TACC2: variants seen among roughly 807,000 people sequenced by gnomAD.
TACC2 encodes transforming acidic coiled-coil-containing protein 2.
Under a neutral mutation model 227.3 loss-of-function variants are expected in TACC2, and 137 were observed. The ratio of observed to expected loss-of-function variants is 0.60; its 90% CI spans 0.52 to 0.69. The LOEUF (loss-of-function observed/expected upper bound fraction) is 0.69, where lower values mean the gene tolerates loss of function less well. TACC2 is among the 30% of genes least tolerant of loss of function. The probability of loss-of-function intolerance (pLI) is 0.00; values close to 1 mark genes in which losing one functional copy is unlikely to be tolerated. For missense variants in TACC2, 3,470 were observed against 3,694.4 expected (o/e 0.94, Z 1.57); for synonymous variants, 1,523 against 1,487.5 (o/e 1.02, Z -0.55).
chr10:122,075,144 T>C (rs2078625626), intron 3 of TACC2, among the ~76,000 whole-genome samples: 2 of 150,670 alleles, frequency 1.3e-5, no homozygotes, highest in Non-Finnish European at 2.9e-5. Flanking sequence ...CTTTCCACGC[T>C]GTGGAAGCTT....
At chr10:122,122,614 G>A (rs1429438263) in intron 5 of TACC2, among the ~76,000 whole-genome samples, 1 of 151,692 alleles carries the variant, frequency 6.6e-6, no homozygotes, top group Non-Finnish European at 1.5e-5. Flanking sequence ...TGCTTTCCCC[G>A]GGGTCCTGTG....
At position 122,210,943 on chromosome 10, in the gene TACC2, C is replaced by T. The variant is rs773378377; in HGVS notation, c.6518C>T (p.Thr2173Met). The change falls in exon 9 of 23, where the codon ACG becomes ATG. Residue 2173 changes from threonine (T) to methionine (M), a missense_variant. Transcript: ENST00000369005. The surrounding 1 kb of genome is among the most constrained non-coding windows in gnomAD (Gnocchi z 4.6). Reference protein sequence around the residue: ...VPSGENLASETKTESAKTEGP... With the variant: ...VPSGENLASEMKTESAKTEGP... The stretch of plus-strand genomic sequence containing the variant: ...AGTGGGGAGAATCTAGCATCTGAGA[C>T]GAAAACGGAATCTGCCAAGACGGAA... 33 of 1,613,804 alleles carry T rather than the reference C, an allele frequency of 2.0e-5. No individual in the cohort carries two copies. The highest frequency in any genetic ancestry group is 2.0e-4 in the East Asian group (9 of 44,868).
chr10:122,105,716 G>A (rs1435508828), intron 5 of TACC2, among the ~76,000 whole-genome samples: 1 of 151,304 alleles, frequency 6.6e-6, no homozygotes, highest in Non-Finnish European at 1.5e-5. Context: ...TGCTTCCCGG[G>A]TTCGAGCGAT....
chr10:122,034,842 C>T (rs928877217), intron 2 of TACC2, among the ~76,000 whole-genome samples: 3 of 150,904 alleles, frequency 2.0e-5, no homozygotes, highest in African/African-American at 4.9e-5. Context: ...GCAGGAGAAT[C>T]GCTTGAACCT....
chr10:122,168,719 A>G (rs1174956915), intron 7 of TACC2, among the ~76,000 whole-genome samples: 2 of 152,164 alleles, frequency 1.3e-5, no homozygotes, highest in African/African-American at 4.8e-5. Context: ...CATCAGATCA[A>G]GGTCAGTGGA....
At chr10:122,133,949 G>C (rs79505870) in intron 6 of TACC2, among the ~76,000 whole-genome samples, 1 of 152,180 alleles carries the variant, frequency 6.6e-6, no homozygotes, top group South Asian at 2.1e-4. Flanking sequence ...ACAGGGACCT[G>C]GGGGCTGGCC....
rs138785067 is a variant in TACC2, at chr10:122,132,082, G to GAAAGAAAGAAAGAA, written c.5574-526_5574-525insAAGAAAGAAAGAAA. On this transcript the variant is annotated intron_variant, in intron 5 of 22. Transcript: ENST00000369005. The stretch of plus-strand genomic sequence containing the variant: ...AAAGAAAGAAAAAGAAAGAAAGAAA[G>GAAAGAAAGAAAGAA]AGAAAGATCTACAAAGGTTTCTAAA... Among the ~76,000 whole-genome samples, 430 of 136,062 alleles carry GAAAGAAAGAAAGAA rather than the reference G, an allele frequency of 3.2e-3. 9 individuals are homozygous for GAAAGAAAGAAAGAA. Among genetic ancestry groups the GAAAGAAAGAAAGAA allele is most frequent in the African/African-American group, 0.012 (392 of 33,902 alleles). 89.3% of individuals were successfully genotyped at this position (136,062 alleles called of 152,430 possible). A position where few individuals can be genotyped will look rare whatever the true frequency, so the allele number is the denominator to read the frequency against.
intron 2 of TACC2, among the ~76,000 whole-genome samples, chr10:122,046,183 A>G (rs2136110792): frequency 6.6e-6 from 1 of 151,672 alleles, no homozygotes; most frequent in African/African-American, 2.4e-5. Context: ...CTCAAAAATC[A>G]TAATAATAGG....
chr10:121,996,729 G>C (rs1263781189), intron 1 of TACC2, among the ~76,000 whole-genome samples: 4 of 152,194 alleles, frequency 2.6e-5, no homozygotes, highest in Non-Finnish European at 5.9e-5. Context: ...AGGCAAGAGA[G>C]GGATTGGCTT....
intron 3 of TACC2, among the ~76,000 whole-genome samples, chr10:122,055,956 G>T (rs2076173792): frequency 6.6e-6 from 1 of 152,202 alleles, no homozygotes; most frequent in Non-Finnish European, 1.5e-5. Flanking sequence ...TAGAATCCTG[G>T]TGGGGGCCAA....
At chr10:122,069,273 G>A (rs1219481987) in intron 3 of TACC2, among the ~76,000 whole-genome samples, 9 of 150,664 alleles carry the variant, frequency 6.0e-5, no homozygotes, top group African/African-American at 9.8e-5. Context: ...ACGGAGTCTC[G>A]CTCTGTCGCC....
intron 1 of TACC2, among the ~76,000 whole-genome samples, chr10:122,015,983 G>T (rs1956558837): frequency 6.6e-6 from 1 of 151,882 alleles, no homozygotes; most frequent in East Asian, 1.9e-4. Context: ...AAATCAGTGG[G>T]GGTATGGTGG....
At chr10:122,230,263 C>T (rs2095710986) in intron 15 of TACC2, 88 bp from the exon 16 acceptor site, 14 of 1,120,306 alleles carry the variant, frequency 1.2e-5, no homozygotes, top group South Asian at 9.9e-5. Flanking sequence ...GACACATTTT[C>T]GTGGCACGTT....
intron 1 of TACC2, among the ~76,000 whole-genome samples, chr10:122,008,267 T>A (rs11200321): frequency 8.5e-3 from 151 of 17,720 alleles, no homozygotes; most frequent in Admixed American, 0.02. Flanking sequence ...TATTATTATT[T>A]TTTTTTTTTG....
intron 8 of TACC2, among the ~76,000 whole-genome samples, chr10:122,198,722 C>T (rs1824018441): frequency 1.3e-5 from 2 of 152,244 alleles, no homozygotes; most frequent in South Asian, 2.1e-4. Context: ...AGCCCGGCTC[C>T]CTTCCATTTG....
chr10:122,081,266 T>G (rs907028613), intron 3 of TACC2, among the ~76,000 whole-genome samples: 2 of 151,558 alleles, frequency 1.3e-5, no homozygotes, highest in African/African-American at 4.9e-5. Flanking sequence ...ACGCCTGTAA[T>G]CCCAGCACTT....
intron 3 of TACC2, among the ~76,000 whole-genome samples, chr10:122,066,308 G>A (rs181815816): frequency 2.7e-5 from 4 of 145,640 alleles, no homozygotes; most frequent in African/African-American, 1.0e-4. Context: ...AGTCTCTGTC[G>A]CACAGGCTGG....
At chr10:121,990,523 A>C (rs984967100) in intron 1 of TACC2, among the ~76,000 whole-genome samples, 1 of 138,814 alleles carries the variant, frequency 7.2e-6, no homozygotes, top group Non-Finnish European at 1.6e-5. Context: ...TTCCATTGAC[A>C]CTTATTTTTA....
At chr10:122,204,172 GGGGAGA>G (rs1255122663) in intron 8 of TACC2, among the ~76,000 whole-genome samples, 3 of 143,282 alleles carry the variant, frequency 2.1e-5, no homozygotes, top group Non-Finnish European at 3.0e-5. Flanking sequence ...GGGAGACCGT[GGGGAGA>G]GGGAGAGGGG....
Sources: gnomAD v4.1 joint callset for allele counts (sites outside exome capture counted in the v4.1 genomes callset) on GRCh38, gnomAD v4.1.1 for gene constraint, Gnocchi (gnomAD v3.1) non-coding constraint, MANE v1.5 for transcripts, NCBI Gene and HGNC (gene_info 2026-07-23, HGNC 2026-07-21) for gene names.